Variants in RBFOX1 observed in about 807,000 individuals in gnomAD.
The protein encoded by RBFOX1 is RNA binding protein fox-1 homolog 1.
RBFOX1 carries 8 observed loss-of-function variants against 57.7 expected under a neutral mutation model. That is an observed-to-expected ratio of 0.14 (90% CI 0.08 to 0.25). The LOEUF is 0.25. RBFOX1 is among the 10% of genes least tolerant of loss of function. RBFOX1 has a pLI of 1.00. For synonymous variants in RBFOX1, 326 were observed against 222.4 expected (o/e 1.47, Z -4.15); for missense variants, 611 against 548.5 (o/e 1.11, Z -1.14).
At chr16:7,526,373 C>T (rs1378705592) in intron 5 of RBFOX1, among the ~76,000 whole-genome samples, 1 of 152,150 alleles carries the variant, frequency 6.6e-6, no homozygotes, top group Non-Finnish European at 1.5e-5. Context: ...CAGTTAAGGC[C>T]TGGCCTCTGG....
Position 5,282,388 on chromosome 16 carries a change from C to T in RBFOX1, c.219+42283C>T, listed in dbSNP as rs57308026. 3.3e-5 allele frequency among the ~76,000 whole-genome samples: 5 copies of T among 152,068 alleles called. No individual in the cohort carries two copies. In the East Asian group the frequency reaches 7.7e-4, roughly 23 times the overall value. On this transcript the variant is annotated intron_variant, in intron 1 of 2. Coordinates refer to the RBFOX1 transcript ENST00000585867. Reference sequence around the variant, plus strand: ...GGTGTTGCTAAAAGATACCTGAATACGTGGAAGTGACTTTGGAACTGGGAA... The same window carrying T: ...GGTGTTGCTAAAAGATACCTGAATATGTGGAAGTGACTTTGGAACTGGGAA...
intron 3 of RBFOX1, among the ~76,000 whole-genome samples, chr16:6,705,893 C>G (rs927715648): frequency 1.3e-5 from 2 of 152,096 alleles, no homozygotes; most frequent in Non-Finnish European, 2.9e-5. Flanking sequence ...TGGTGCATGT[C>G]TCTAGTCCCA....
chr16:6,678,175 G>A (rs567749491), intron 3 of RBFOX1, among the ~76,000 whole-genome samples: 52 of 152,336 alleles, frequency 3.4e-4, no homozygotes, highest in African/African-American at 1.2e-3. Context: ...CCAGGCTGGA[G>A]TGCAGTGGCA....
At chr16:6,080,478 G>C (rs1009908369) in intron 1 of RBFOX1, among the ~76,000 whole-genome samples, 29 of 152,136 alleles carry the variant, frequency 1.9e-4, no homozygotes, top group African/African-American at 7.0e-4. Context: ...AAACAGGTGT[G>C]ATCCTCAGGG....
At chr16:6,717,252 C>A (rs962912707) in intron 3 of RBFOX1, among the ~76,000 whole-genome samples, 4 of 152,196 alleles carry the variant, frequency 2.6e-5, no homozygotes, top group African/African-American at 2.4e-5. Context: ...AAAAAAGATA[C>A]CCATTTCTGA....
At chr16:7,179,186 C>A (rs1454681426) in intron 4 of RBFOX1, among the ~76,000 whole-genome samples, 1 of 150,472 alleles carries the variant, frequency 6.6e-6, no homozygotes, top group Admixed American at 6.6e-5. Context: ...GATAAAACAA[C>A]AAATTTTTAT....
At chr16:6,975,737 A>C (rs1457869177) in intron 3 of RBFOX1, among the ~76,000 whole-genome samples, 1 of 152,204 alleles carries the variant, frequency 6.6e-6, no homozygotes, top group African/African-American at 2.4e-5. Flanking sequence ...TCATAGGCTG[A>C]AAGTTTTCTA....
intron 2 of RBFOX1, among the ~76,000 whole-genome samples, chr16:5,478,369 C>G (rs2069405585): frequency 6.6e-6 from 1 of 151,966 alleles, no homozygotes; most frequent in Non-Finnish European, 1.5e-5. Flanking sequence ...TGGTGTGCTT[C>G]CAGGAACGGG....
At chr16:6,243,005 A>G (rs1273612036) in intron 1 of RBFOX1, among the ~76,000 whole-genome samples, 1 of 152,178 alleles carries the variant, frequency 6.6e-6, no homozygotes, top group Admixed American at 6.5e-5. Context: ...ACATTACTGT[A>G]ATCAAAAGGG....
intron 3 of RBFOX1, among the ~76,000 whole-genome samples, chr16:5,657,622 C>CTTTCTTTCTTTCTTTCTTTCTT (rs1433340400): frequency 9.7e-6 from 1 of 103,000 alleles, no homozygotes; most frequent in Admixed American, 1.1e-4. Flanking sequence ...CTTTCTTTCT[C>CTTTCTTTCTTTCTTTCTTTCTT]TCTTTCTTTC....
chr16:7,162,065 C>A (rs1038367675), intron 4 of RBFOX1, among the ~76,000 whole-genome samples: 4 of 152,326 alleles, frequency 2.6e-5, no homozygotes, highest in Non-Finnish European at 5.9e-5. Context: ...TCTCTCAGAG[C>A]TGCAGCCAGC....
At chr16:6,517,696 A>C (rs1370272600) in intron 2 of RBFOX1, among the ~76,000 whole-genome samples, 1 of 152,158 alleles carries the variant, frequency 6.6e-6, no homozygotes, top group Non-Finnish European at 1.5e-5. Context: ...TCTCTTCTTG[A>C]TTACAAACCC....
At chr16:7,311,406 G>T (rs1364003681) in intron 4 of RBFOX1, among the ~76,000 whole-genome samples, 2 of 151,504 alleles carry the variant, frequency 1.3e-5, no homozygotes, top group African/African-American at 4.8e-5. Flanking sequence ...AGCAACTGTA[G>T]GATTTAAGTG....
In RBFOX1 at chr16:6,223,135, A is replaced by T. The variant is rs1023032082; in HGVS notation, c.-126-93860A>T. ...TTTGGGTTGGTTCCAAGTCTTTGCT[A>T]TTGTGGATAGTGCCACAATAAACAT... On this transcript the variant is annotated intron_variant, in intron 1 of 15. Transcript: ENST00000550418. Among the ~76,000 whole-genome samples the T allele has an allele frequency of 2.0e-5, 3 of 150,282 alleles. No individual in the cohort carries two copies. In the Admixed American group the frequency reaches 2.0e-4, roughly 10 times the overall value.
chr16:6,501,612 A>G (rs1219065375), intron 2 of RBFOX1, among the ~76,000 whole-genome samples: 1 of 152,036 alleles, frequency 6.6e-6, no homozygotes, highest in African/African-American at 2.4e-5. Flanking sequence ...GTGTGCATGC[A>G]TGTGTCTTTA....
intron 3 of RBFOX1, among the ~76,000 whole-genome samples, chr16:6,899,178 A>G (rs1165581850): frequency 7.1e-6 from 1 of 141,602 alleles, no homozygotes; most frequent in Non-Finnish European, 1.5e-5. Flanking sequence ...ATGTGTGTGT[A>G]TAATATGTGT....
chr16:6,706,181 G>A (rs186897774), intron 3 of RBFOX1, among the ~76,000 whole-genome samples: 5 of 152,134 alleles, frequency 3.3e-5, no homozygotes, highest in Middle Eastern at 3.2e-3. Flanking sequence ...TACTGCTCCC[G>A]TGAATAGGTA....
chr16:6,457,886 A>G (rs531590110), intron 2 of RBFOX1, among the ~76,000 whole-genome samples: 138 of 152,282 alleles, frequency 9.1e-4, no homozygotes, highest in African/African-American at 3.1e-3. Context: ...AATTCAGTTT[A>G]CAGATAGTTC....
chr16:6,317,201 G>A (rs1402377976), intron 2 of RBFOX1, 144 bp downstream of exon 2: 4 of 745,058 alleles, frequency 5.4e-6, no homozygotes, highest in Non-Finnish European at 8.6e-6. Flanking sequence ...CTGCCCTATT[G>A]TATCAGAGAT....
Sources: gnomAD v4.1 joint callset for allele counts (sites outside exome capture counted in the v4.1 genomes callset) on GRCh38, gnomAD v4.1.1 for gene constraint, MANE v1.5 for transcripts, NCBI Gene and HGNC (gene_info 2026-07-23, HGNC 2026-07-21) for gene names.